Variants in GSTM3 observed in about 807,000 individuals in gnomAD.
The protein encoded by GSTM3 is GST class-mu 3.
A neutral mutation model predicts 36.1 loss-of-function variants in GSTM3; 34 were observed. The observed-to-expected ratio is 0.94, with a 90% confidence interval of 0.72 to 1.25. GSTM3 has a LOEUF of 1.25. GSTM3 is among the 50% of genes most tolerant of loss of function. The pLI, the probability that GSTM3 is intolerant of heterozygous loss-of-function variation, is 0.00. For synonymous variants in GSTM3, 102 were observed against 99.5 expected (o/e 1.03, Z -0.15); for missense variants, 266 against 281.6 (o/e 0.94, Z 0.40).
At chr1:109,738,655 AT>A (rs1397035057) in intron 4 of GSTM3, among the ~76,000 whole-genome samples, 3 of 152,094 alleles carry the variant, frequency 2.0e-5, no homozygotes, top group African/African-American at 7.2e-5. Context: ...CAATCAAAAA[AT>A]ATTTTTAAAA....
chr1:109,735,237 A>G lies in GSTM3; in HGVS notation c.*1834T>C. On this transcript the variant is annotated 3_prime_UTR_variant, in exon 9 of 9. Transcript: ENST00000361066. ...GTCACCCAGATTGGAGTGCAGTGGC[A>G]AGAACACAGCTCACTGCAGCTTCAA... is the stretch of plus-strand genomic sequence containing the variant. 6.6e-6 allele frequency: 1 copy of G among 152,030 alleles called. No homozygotes were observed. The highest frequency in any genetic ancestry group is 1.9e-4 in the East Asian group (1 of 5,150). The allele number at this position is 152,030 out of a possible 1,614,324, so 9.4% of individuals were successfully genotyped here.
chr1:109,739,004 C>T (rs903192338), intron 4 of GSTM3, among the ~76,000 whole-genome samples: 9 of 152,046 alleles, frequency 5.9e-5, no homozygotes, highest in African/African-American at 2.2e-4. Context: ...GCCTGTAGTC[C>T]CAGCTCCTTG....
chr1:109,739,477 T>C lies in GSTM3; in HGVS notation c.141A>G (p.Arg47=), dbSNP rs770536480. The C allele has an allele frequency of 1.9e-6, 3 of 1,612,438 alleles. No individual in the cohort carries two copies. In the South Asian group the frequency reaches 3.3e-5, roughly 18 times the overall value. ...TGAATTTCACATCCAGCCATTGGCT[T>C]CGATCATAGTCAGGAGCTGTAAGAG... ...YTCGEAPDYD[R]SQWLDVKFKL... is the part of the protein sequence containing the mutation. Residue 47 remains arginine, a synonymous_variant, in exon 4 of 9, where the codon CGA becomes CGG. Coordinates refer to ENST00000361066, the MANE Select transcript of GSTM3 (RefSeq NM_000849.5).
chr1:109,739,052 T>G (rs760014526), intron 4 of GSTM3, among the ~76,000 whole-genome samples: 1 of 152,052 alleles, frequency 6.6e-6, no homozygotes, highest in Non-Finnish European at 1.5e-5. Context: ...GCCTGGGAGG[T>G]TGAGGCTGCA....
intron 2 of GSTM3, 138 bp downstream of exon 2, chr1:109,740,102 G>A: frequency 1.1e-6 from 1 of 923,430 alleles, no homozygotes; most frequent in Non-Finnish European, 1.7e-6. Context: ...GGCTGGGCAG[G>A]GGTCGACATC....
rs201897258 is a variant in GSTM3 at position 109,740,218 on chromosome 1, C to G, written c.48+22G>C. The G allele has an allele frequency of 1.6e-4, 258 of 1,609,232 alleles. 1 individual carries two copies. The highest frequency in any genetic ancestry group is 1.5e-4 in the Non-Finnish European group (181 of 1,176,068). On this transcript the variant is annotated intron_variant, in intron 2 of 8. Coordinates refer to ENST00000361066, the MANE Select transcript of GSTM3 (RefSeq NM_000849.5). ...CGTCAGTCTCTTTGACCGAGCGGCT[C>G]TACCGTTGAGACGGCACTCACCCCA...
Position 109,739,821 on chromosome 1 carries a change from G to C in GSTM3, c.124+12C>G, listed in dbSNP as rs1272846514. Reference sequence around the variant, plus strand: ...GCCAGCTTGGCTGCACGGGCACGCGGAGCGGCATTACCTTCCCCGCACGTG... The same window carrying C: ...GCCAGCTTGGCTGCACGGGCACGCGCAGCGGCATTACCTTCCCCGCACGTG... On this transcript the variant is annotated intron_variant, in intron 3 of 8. Transcript: ENST00000361066. The C allele has an allele frequency of 6.5e-7, 1 of 1,541,680 alleles. No individual in the cohort carries two copies. Among genetic ancestry groups the C allele is most frequent in the Non-Finnish European group, 8.8e-7 (1 of 1,137,662 alleles).
intron 2 of GSTM3, 100 bp downstream of exon 2, chr1:109,740,140 C>G (rs1382055274): frequency 1.8e-6 from 2 of 1,141,336 alleles, no homozygotes; most frequent in Non-Finnish European, 2.6e-6. Context: ...AAAAGGCTCC[C>G]GCGTAGAGCT....
At position 109,739,828 on chromosome 1, in the gene GSTM3, A is replaced by G. The variant is rs1041981451; in HGVS notation, c.124+5T>C. 8 of 1,545,862 alleles carry G rather than the reference A, an allele frequency of 5.2e-6. No homozygotes were observed. The African/African-American group carries it at 1.1e-4, about 21-fold the overall frequency. On this transcript the variant is annotated splice_donor_5th_base_variant and intron_variant, in intron 3 of 8. Transcript: ENST00000361066. ...TGGCTGCACGGGCACGCGGAGCGGC[A>G]TTACCTTCCCCGCACGTGTACCGTT...
In GSTM3 at chr1:109,739,822, A is replaced by G; in HGVS notation, c.124+11T>C. 1.3e-6 allele frequency: 2 copies of G among 1,540,246 alleles called. No homozygotes were observed. Among genetic ancestry groups the G allele is most frequent in the South Asian group, 1.2e-5 (1 of 83,872 alleles). Reference sequence around the variant, plus strand: ...CCAGCTTGGCTGCACGGGCACGCGGAGCGGCATTACCTTCCCCGCACGTGT... The same window carrying G: ...CCAGCTTGGCTGCACGGGCACGCGGGGCGGCATTACCTTCCCCGCACGTGT... On this transcript the variant is annotated intron_variant, in intron 3 of 8. Coordinates refer to ENST00000361066, the MANE Select transcript of GSTM3 (RefSeq NM_000849.5).
At chr1:109,737,393 G>T in intron 8 of GSTM3, 64 bp downstream of exon 8, 1 of 1,050,064 alleles carries the variant, frequency 9.5e-7, no homozygotes, top group Non-Finnish European at 1.5e-6. Context: ...TCCACTATGG[G>T]ATCCTGCAGG....
chr1:109,736,710 T>C lies in GSTM3; in HGVS notation c.*361A>G, dbSNP rs1210541785. 4.9e-6 allele frequency: 1 copy of C among 203,504 alleles called. No homozygotes were observed. Among genetic ancestry groups the C allele is most frequent in the Non-Finnish European group, 9.9e-6 (1 of 100,754 alleles). 12.6% of individuals were successfully genotyped at this position (203,504 alleles called of 1,614,324 possible). ...TCCGAACTCCGGTTAAGTCCATCAGTACCACAGTTTTACTTGTGTTATCCT... is the reference window on the plus strand; with the variant it reads ...TCCGAACTCCGGTTAAGTCCATCAGCACCACAGTTTTACTTGTGTTATCCT... On this transcript the variant is annotated 3_prime_UTR_variant, in exon 9 of 9. Coordinates refer to ENST00000361066, the MANE Select transcript of GSTM3 (RefSeq NM_000849.5).
Position 109,735,133 on chromosome 1 carries a change from T to A in GSTM3, c.*1938A>T. On this transcript the variant is annotated 3_prime_UTR_variant, in exon 9 of 9. Coordinates refer to ENST00000361066, the MANE Select transcript of GSTM3 (RefSeq NM_000849.5). ...CCACTTGCCTGCAGTAAGACTGTTA[T>A]GAGTTTGGTGTTTCCCTCCAGACTC... is the stretch of plus-strand genomic sequence containing the variant. 1 of 152,350 alleles carries A rather than the reference T, an allele frequency of 6.6e-6. No individual in the cohort carries two copies. Among genetic ancestry groups the A allele is most frequent in the South Asian group, 2.1e-4 (1 of 4,824 alleles). The allele number at this position is 152,350 out of a possible 1,614,324, so 9.4% of individuals were successfully genotyped here. A position where few individuals can be genotyped will look rare whatever the true frequency, so the allele number is the denominator to read the frequency against.
At position 109,734,482 on chromosome 1, in the gene GSTM3, G is replaced by A. The variant is rs1386510897; in HGVS notation, c.*2589C>T. On this transcript the variant is annotated 3_prime_UTR_variant, in exon 9 of 9. Transcript: ENST00000361066. ...CCCTTAACTACCTCCTCTCTTAACA[G>A]TGTTACACAGCAATAAATAATGCAT... The A allele has an allele frequency of 6.6e-6, 1 of 152,132 alleles. No individual in the cohort carries two copies. Among genetic ancestry groups the A allele is most frequent in the Non-Finnish European group, 1.5e-5 (1 of 68,038 alleles). The allele number at this position is 152,132 out of a possible 1,614,324, so 9.4% of individuals were successfully genotyped here. A position where few individuals can be genotyped will look rare whatever the true frequency, so the allele number is the denominator to read the frequency against.
chr1:109,739,990 T>G, intron 2 of GSTM3, 82 bp from the exon 3 acceptor site: 1 of 1,189,076 alleles, frequency 8.4e-7, no homozygotes, highest in Non-Finnish European at 1.2e-6. Flanking sequence ...GGCCCGGGGC[T>G]GCCGAGTCCC....
rs144269938 is a variant in GSTM3 at position 109,738,067 on chromosome 1, C to T, written c.372+24G>A. 89 of 1,469,942 alleles carry T rather than the reference C, an allele frequency of 6.1e-5. No individual in the cohort carries two copies. In the African/African-American group the frequency reaches 1.1e-3, roughly 18 times the overall value. The allele number at this position is 1,469,942 out of a possible 1,614,324, so 91.1% of individuals were successfully genotyped here. A position where few individuals can be genotyped will look rare whatever the true frequency, so the allele number is the denominator to read the frequency against. On this transcript the variant is annotated intron_variant, in intron 6 of 8. Transcript: ENST00000361066. The stretch of plus-strand genomic sequence containing the variant: ...CCCCTTTTTCTGATACTCCATTCAG[C>T]AGATGTGTGCTAAGGAAACTCACGT...
At position 109,737,562 on chromosome 1, in the gene GSTM3, G is replaced by A; in HGVS notation, c.474C>T (p.Thr158=). 1 of 1,608,468 alleles carries A rather than the reference G, an allele frequency of 6.2e-7. No homozygotes were observed. The highest frequency in any genetic ancestry group is 1.1e-5 in the South Asian group (1 of 90,936). ...KFSWFAGEKL[T]FVDFLTYDIL... The stretch of plus-strand genomic sequence containing the variant: ...TATCATAGGTGAGAAAATCCACAAA[G>A]GTGAGCTAGAAGAAAAGCAATAAGA... Residue 158 remains threonine, a synonymous_variant, in exon 8 of 9, where the codon ACC becomes ACT. Transcript: ENST00000361066.
Position 109,737,523 on chromosome 1 carries a change from G to A in GSTM3, c.513C>T (p.Asn171=). Residue 171 remains asparagine (N), a synonymous_variant, in exon 8 of 9, where the codon AAC becomes AAT. Transcript: ENST00000361066. ...CCAGGCACTTGGGGTCAAATATACGGTTCTGATCCAAGATATCATAGGTGA... is the reference window on the plus strand; with the variant it reads ...CCAGGCACTTGGGGTCAAATATACGATTCTGATCCAAGATATCATAGGTGA... ...DFLTYDILDQ[N]RIFDPKCLDE... is the part of the protein sequence containing the mutation. The A allele has an allele frequency of 1.2e-6, 2 of 1,613,580 alleles. No homozygotes were observed. The highest frequency in any genetic ancestry group is 1.7e-6 in the Non-Finnish European group (2 of 1,179,584).
intron 2 of GSTM3, 68 bp from the exon 3 acceptor site, chr1:109,739,976 C>T: frequency 1.5e-6 from 2 of 1,295,574 alleles, no homozygotes; most frequent in African/African-American, 1.5e-5. Flanking sequence ...CGCTAACGTT[C>T]CCCGGCCCGG....
Sources: allele counts gnomAD v4.1 joint callset (sites outside exome capture counted in the v4.1 genomes callset), GRCh38; gene constraint gnomAD v4.1.1; transcripts MANE v1.5; gene names NCBI Gene and HGNC (gene_info 2026-07-23, HGNC 2026-07-21).